The following STAU2 variants were observed in gnomAD, a reference collection of about 807,000 sequenced individuals.
STAU2 encodes double-stranded RNA-binding protein Staufen homolog 2.
Under a neutral mutation model 65.9 loss-of-function variants are expected in STAU2, and 20 were observed. The observed-to-expected ratio is 0.30, with a 90% confidence interval of 0.21 to 0.44. The LOEUF (loss-of-function observed/expected upper bound fraction) is 0.44, where lower values mean the gene tolerates loss of function less well. Ranked by LOEUF, STAU2 falls within the 20% of genes least tolerant of loss-of-function variation. The probability of loss-of-function intolerance (pLI) is 1.00; values close to 1 mark genes in which losing one functional copy is unlikely to be tolerated. For missense variants in STAU2, 558 were observed against 683.9 expected, an observed-to-expected ratio of 0.82 and a Z score of 2.05; for synonymous variants, 232 against 233.9, an observed-to-expected ratio of 0.99 and a Z score of 0.07.
intron 13 of STAU2, among the ~76,000 whole-genome samples, chr8:73,509,702 C>T (rs117863799): frequency 2.6e-5 from 4 of 151,750 alleles, no homozygotes; most frequent in South Asian, 2.1e-4. Context: ...AAAGGAGCCA[C>T]ATATTTTCCT....
At chr8:73,619,320 T>G (rs1003744683) in intron 6 of STAU2, among the ~76,000 whole-genome samples, 1 of 152,104 alleles carries the variant, frequency 6.6e-6, no homozygotes, top group African/African-American at 2.4e-5. Flanking sequence ...ATTGAGCAAC[T>G]TAGCAAAATA....
intron 10 of STAU2, among the ~76,000 whole-genome samples, chr8:73,596,025 T>A (rs1302803351): frequency 6.6e-6 from 1 of 151,200 alleles, no homozygotes; most frequent in African/African-American, 2.4e-5. Context: ...GGCAAGAGAA[T>A]CGCTTGAACC....
At chr8:73,542,915 A>C (rs966277647) in intron 13 of STAU2, among the ~76,000 whole-genome samples, 1 of 152,204 alleles carries the variant, frequency 6.6e-6, no homozygotes, top group African/African-American at 2.4e-5. Flanking sequence ...GTGATCCAGC[A>C]ATTCACTCTA....
intron 6 of STAU2, among the ~76,000 whole-genome samples, chr8:73,626,673 A>G (rs1181198120): frequency 6.6e-6 from 1 of 152,214 alleles, no homozygotes; most frequent in Non-Finnish European, 1.5e-5. Flanking sequence ...TGGACTAGTC[A>G]GCATAGATGT....
chr8:73,472,856 A>G (rs1281576081), intron 13 of STAU2, among the ~76,000 whole-genome samples: 1 of 152,220 alleles, frequency 6.6e-6, no homozygotes, highest in Non-Finnish European at 1.5e-5. Context: ...ACCAAGAAGA[A>G]TTCATTAAGT....
At chr8:73,479,847 A>G (rs2128909756) in intron 13 of STAU2, among the ~76,000 whole-genome samples, 1 of 151,990 alleles carries the variant, frequency 6.6e-6, no homozygotes, top group South Asian at 2.1e-4. Context: ...TCAGGAACGT[A>G]GACATATTAA....
chr8:73,571,506 T>A (rs1419013576), intron 12 of STAU2, among the ~76,000 whole-genome samples: 1 of 152,182 alleles, frequency 6.6e-6, no homozygotes, highest in Non-Finnish European at 1.5e-5. Flanking sequence ...AGTAAAGCAC[T>A]CCTCAGCAAA....
At chr8:73,464,599 C>T (rs895416086) in intron 13 of STAU2, among the ~76,000 whole-genome samples, 28 of 100,264 alleles carry the variant, frequency 2.8e-4, no homozygotes, top group Admixed American at 2.1e-3. Flanking sequence ...TGTGTGCACG[C>T]GCACACACAC....
intron 13 of STAU2, among the ~76,000 whole-genome samples, chr8:73,528,312 T>C (rs1805579149): frequency 6.6e-6 from 1 of 152,240 alleles, no homozygotes; most frequent in Non-Finnish European, 1.5e-5. Flanking sequence ...ATTGTGACAT[T>C]ACAATCAAAT....
chr8:73,668,628 TTA>T (rs970769602), intron 6 of STAU2, among the ~76,000 whole-genome samples: 4 of 152,226 alleles, frequency 2.6e-5, no homozygotes. Context: ...AAATGAATTT[TTA>T]TATGCTTTCT....
rs199937946 is a variant in STAU2 at position 73,552,218 on chromosome 8, T to C, written c.1324A>G (p.Lys442Glu). 1.2e-6 allele frequency: 2 copies of C among 1,614,020 alleles called. No homozygotes were observed. The highest frequency in any genetic ancestry group is 2.2e-5 in the East Asian group (1 of 44,852). The change falls in exon 13 of 15, where the codon AAA (lysine) becomes GAA (glutamate). Residue 442 changes from lysine to glutamate, a missense_variant. Around this residue, in one of 3 missense-constraint regions of STAU2, gnomAD observed 247 missense variants for 270.1 expected, o/e 0.91. Transcript: ENST00000524300. ...SGTTLGYLSP[K>E]DMNQPSSSFF... ...GAGCTTGAAGGTTGGTTCATATCTT[T>C]GGGTGACAAATAGCCTAGAGTAGTG...
intron 13 of STAU2, among the ~76,000 whole-genome samples, chr8:73,524,274 A>G (rs1335828458): frequency 2.6e-5 from 4 of 152,152 alleles, no homozygotes; most frequent in Admixed American, 1.3e-4. Flanking sequence ...AGCTCCAAGG[A>G]TGGTCTGAGC....
chr8:73,635,857 A>G (rs1167235801), intron 6 of STAU2, among the ~76,000 whole-genome samples: 1 of 151,444 alleles, frequency 6.6e-6, no homozygotes, highest in Non-Finnish European at 1.5e-5. Flanking sequence ...AGAGAGAGGG[A>G]GCTTCATATT....
intron 13 of STAU2, among the ~76,000 whole-genome samples, chr8:73,468,276 C>T (rs1819774646): frequency 6.6e-6 from 1 of 152,146 alleles, no homozygotes; most frequent in Non-Finnish European, 1.5e-5. Flanking sequence ...AAACTGGATC[C>T]CTTCCTTACA....
At chr8:73,571,572 T>C (rs1809092163) in intron 12 of STAU2, among the ~76,000 whole-genome samples, 1 of 152,064 alleles carries the variant, frequency 6.6e-6, no homozygotes, top group Non-Finnish European at 1.5e-5. Context: ...GCAATCAAAC[T>C]AGAACTCAGG....
chr8:73,517,541 G>C (rs1050417872), intron 13 of STAU2, among the ~76,000 whole-genome samples: 4 of 152,160 alleles, frequency 2.6e-5, no homozygotes, highest in Non-Finnish European at 5.9e-5. Flanking sequence ...TTTATACTTT[G>C]TCTCCTATGA....
chr8:73,743,880 T>C (rs539626738), intron 1 of STAU2, among the ~76,000 whole-genome samples: 1 of 151,366 alleles, frequency 6.6e-6, no homozygotes, highest in East Asian at 1.9e-4. Flanking sequence ...CAAGCGATTC[T>C]CCTGCCTCAG....
chr8:73,572,750 AAAT>A (rs1809204452), intron 12 of STAU2, among the ~76,000 whole-genome samples: 1 of 152,224 alleles, frequency 6.6e-6, no homozygotes, highest in Admixed American at 6.5e-5. Flanking sequence ...ATGTATCTCA[AAAT>A]AATAAGAGCT....
chr8:73,584,475 A>G (rs961149543), intron 11 of STAU2, among the ~76,000 whole-genome samples: 1 of 152,232 alleles, frequency 6.6e-6, no homozygotes, highest in Admixed American at 6.5e-5. Context: ...ATTTGGTAAG[A>G]TAAGTGATAT....
Sources: allele counts gnomAD v4.1 joint callset (sites outside exome capture counted in the v4.1 genomes callset), GRCh38; gene constraint gnomAD v4.1.1; regional missense constraint gnomAD v4.1.1; transcripts MANE v1.5; gene names NCBI Gene and HGNC (gene_info 2026-07-23, HGNC 2026-07-21).